Variants in CRISPLD2 observed in about 807,000 individuals in gnomAD.
The protein encoded by CRISPLD2 is cysteine-rich secretory protein LCCL domain-containing 2.
A neutral mutation model predicts 71.1 loss-of-function variants in CRISPLD2; 47 were observed. That is an observed-to-expected ratio of 0.66 (90% CI 0.52 to 0.84). The LOEUF is 0.84. Ranked by LOEUF, CRISPLD2 falls within the 40% of genes least tolerant of loss-of-function variation. The pLI is 0.00. For missense variants in CRISPLD2, 830 were observed against 651.1 expected (o/e 1.27, Z -2.99); for synonymous variants, 317 against 250.1 (o/e 1.27, Z -2.52).
intron 14 of CRISPLD2, among the ~76,000 whole-genome samples, chr16:84,892,276 C>G (rs568403177): frequency 4.1e-4 from 62 of 152,342 alleles, no homozygotes; most frequent in Middle Eastern, 6.8e-3. Flanking sequence ...GCCCAGCAGC[C>G]TGCGTCTGAG....
chr16:84,833,697 A>G (rs1179225252), intron 1 of CRISPLD2, among the ~76,000 whole-genome samples: 1 of 152,172 alleles, frequency 6.6e-6, no homozygotes, highest in Non-Finnish European at 1.5e-5. Context: ...ATCTGGGTCA[A>G]AGGCGAGTGG....
rs2071640639 is a variant in CRISPLD2, at chr16:84,889,309, T to A, written c.1385T>A (p.Val462Glu). ...ESGGDVDVMP[V>E]DKKKTYVGSL... ...GGGGGTGACGTGGACGTGATGCCCG[T>A]GGATAAAAAGAAGACCTACGTGGGC... The change falls in exon 14 of 15, where the codon GTG becomes GAG. Residue 462 changes from valine to glutamate, a missense_variant. Physicochemically the swap from Val to Glu is moderately radical, Grantham distance 121. Transcript: ENST00000262424. 1 of 1,613,860 alleles carries A rather than the reference T, an allele frequency of 6.2e-7. No individual in the cohort carries two copies. The highest frequency in any genetic ancestry group is 8.5e-7 in the Non-Finnish European group (1 of 1,179,982).
intron 14 of CRISPLD2, among the ~76,000 whole-genome samples, chr16:84,896,364 TA>T (rs1291621396): frequency 1.3e-5 from 2 of 151,216 alleles, no homozygotes; most frequent in African/African-American, 2.4e-5. Flanking sequence ...TGGAATCCTT[TA>T]AAAAAAAAGA....
chr16:84,887,872 G>A (rs181986767), intron 13 of CRISPLD2, among the ~76,000 whole-genome samples: 7 of 152,192 alleles, frequency 4.6e-5, no homozygotes, highest in Middle Eastern at 3.4e-3. Flanking sequence ...GCGAAACTCC[G>A]TCTCAAAAAA....
At chr16:84,826,632 A>C (rs1198229842) in intron 1 of CRISPLD2, among the ~76,000 whole-genome samples, 1 of 151,630 alleles carries the variant, frequency 6.6e-6, no homozygotes, top group African/African-American at 2.4e-5. Context: ...ATTCCCCGGG[A>C]CCTGCGAGGC....
At chr16:84,894,415 C>T (rs181179759) in intron 14 of CRISPLD2, among the ~76,000 whole-genome samples, 10 of 152,228 alleles carry the variant, frequency 6.6e-5, no homozygotes. Context: ...TAAAATGTCA[C>T]CTTTATACAA....
At chr16:84,898,061 G>A (rs142093006) in intron 14 of CRISPLD2, among the ~76,000 whole-genome samples, 288 of 152,326 alleles carry the variant, frequency 1.9e-3, no homozygotes, top group African/African-American at 6.5e-3. Flanking sequence ...ACCATCATCC[G>A]TTTATCATCA....
intron 6 of CRISPLD2, among the ~76,000 whole-genome samples, chr16:84,860,420 C>T (rs111311964): frequency 6.6e-6 from 1 of 152,162 alleles, no homozygotes; most frequent in Non-Finnish European, 1.5e-5. Context: ...CACTCCGAAC[C>T]TCACCTCTAG....
intron 1 of CRISPLD2, chr16:84,836,418 T>C (rs2143166716): frequency 6.6e-6 from 1 of 152,332 alleles, no homozygotes; most frequent in East Asian, 1.9e-4. Context: ...ATTCTTGGTC[T>C]GCTTCCCAGT....
intron 13 of CRISPLD2, among the ~76,000 whole-genome samples, chr16:84,887,450 C>T (rs528018668): frequency 2.0e-5 from 3 of 152,218 alleles, no homozygotes; most frequent in East Asian, 1.9e-4. Context: ...CTGTAGACAA[C>T]GGGTCCAGCT....
rs74630480 is a variant in CRISPLD2, at chr16:84,899,130, A to G, written c.1440-7458A>G. 2.4e-3 allele frequency among the ~76,000 whole-genome samples: 367 copies of G among 152,204 alleles called. 3 individuals are homozygous for G. Among genetic ancestry groups the G allele is most frequent in the African/African-American group, 7.8e-3 (324 of 41,518 alleles). On this transcript the variant is annotated intron_variant, in intron 14 of 14. Transcript: ENST00000262424. ...GATCTCAAACTCCTGGGTTCAAGCA[A>G]TCGCCTACGTTAGCCTCCCAAAGTG...
chr16:84,898,047 A>G (rs2071721742), intron 14 of CRISPLD2, among the ~76,000 whole-genome samples: 1 of 152,250 alleles, frequency 6.6e-6, no homozygotes, highest in Non-Finnish European at 1.5e-5. Context: ...GGAGGCATGG[A>G]GAGACCATCA....
At chr16:84,849,340 G>C (rs1225705676) in intron 3 of CRISPLD2, 45 bp from the exon 4 acceptor site, 1 of 1,564,430 alleles carries the variant, frequency 6.4e-7, no homozygotes, top group Non-Finnish European at 8.7e-7. Flanking sequence ...CCACTGGTGG[G>C]TGAGGGGAGG....
Position 84,873,141 on chromosome 16 carries a change from G to A in CRISPLD2, c.1112+19G>A. On this transcript the variant is annotated intron_variant, in intron 10 of 14. Transcript: ENST00000262424. ...CCCTCAGGTAACTACTCTGTGATCG[G>A]GGCTCTGTGAAACGGTTTTCCTGTT... The A allele has an allele frequency of 6.2e-7, 1 of 1,603,496 alleles. No individual in the cohort carries two copies. Among genetic ancestry groups the A allele is most frequent in the Non-Finnish European group, 8.5e-7 (1 of 1,175,438 alleles).
At chr16:84,877,416 T>C (rs748796613) in intron 11 of CRISPLD2, 22 bp from the exon 12 acceptor site, 2 of 1,611,654 alleles carry the variant, frequency 1.2e-6, no homozygotes, top group Non-Finnish European at 1.7e-6. Flanking sequence ...CCTGACCCTT[T>C]CCCCCTTGCT....
intron 14 of CRISPLD2, among the ~76,000 whole-genome samples, chr16:84,895,997 G>T (rs1248437954): frequency 1.3e-5 from 2 of 151,856 alleles, no homozygotes; most frequent in Admixed American, 6.6e-5. Flanking sequence ...TTTCCTGAGG[G>T]ATCAATAGAG....
In CRISPLD2 at chr16:84,906,585, C is replaced by T; in HGVS notation, c.1440-3C>T. The stretch of plus-strand genomic sequence containing the variant: ...AACGGGCCCTCTTTCTTCTTTTTTT[C>T]AGCCTGGGGACTCCTCGGGATGGAA... On this transcript the variant is annotated splice_polypyrimidine_tract_variant and splice_region_variant and intron_variant, in intron 14 of 14. Coordinates refer to ENST00000262424, the MANE Select transcript of CRISPLD2 (RefSeq NM_031476.4). The T allele has an allele frequency of 1.2e-6, 2 of 1,612,398 alleles. No individual in the cohort carries two copies. Among genetic ancestry groups the T allele is most frequent in the Non-Finnish European group, 1.7e-6 (2 of 1,179,944 alleles).
chr16:84,844,629 C>T (rs1000361179), intron 2 of CRISPLD2, among the ~76,000 whole-genome samples: 5 of 152,120 alleles, frequency 3.3e-5, no homozygotes, highest in African/African-American at 4.8e-5. Flanking sequence ...TCGCAAAGTT[C>T]TGGGATTACA....
At chr16:84,856,835 C>T (rs182495490) in intron 6 of CRISPLD2, among the ~76,000 whole-genome samples, 1 of 152,318 alleles carries the variant, frequency 6.6e-6, no homozygotes, top group Admixed American at 6.5e-5. Context: ...CCCACTGCCA[C>T]ACTTTTTTAG....
Sources: allele counts gnomAD v4.1 joint callset (sites outside exome capture counted in the v4.1 genomes callset), GRCh38; gene constraint gnomAD v4.1.1; transcripts MANE v1.5; gene names NCBI Gene and HGNC (gene_info 2026-07-23, HGNC 2026-07-21).